Variants in SYNPO2 observed in about 807,000 individuals in gnomAD.
SYNPO2 encodes synaptopodin 2, also known as synaptopodin-2.
In SYNPO2, 56 loss-of-function variants were observed where a neutral mutation model predicts 85.0. That is an observed-to-expected ratio of 0.66 (90% CI 0.53 to 0.82). The LOEUF is 0.82. SYNPO2 is among the 40% of genes least tolerant of loss of function. SYNPO2 has a pLI of 0.00. For synonymous variants in SYNPO2, 602 were observed against 591.1 expected (o/e 1.02, Z -0.27); for missense variants, 1,575 against 1,534.2 (o/e 1.03, Z -0.44).
intron 1 of SYNPO2, among the ~76,000 whole-genome samples, chr4:118,926,563 G>A (rs1733717644): frequency 6.6e-6 from 1 of 152,070 alleles, no homozygotes; most frequent in African/African-American, 2.4e-5. Context: ...TAATTAAAAG[G>A]TAATATATTG....
chr4:118,918,165 T>A (rs1733416168), intron 1 of SYNPO2, among the ~76,000 whole-genome samples: 1 of 152,176 alleles, frequency 6.6e-6, no homozygotes, highest in African/African-American at 2.4e-5. Flanking sequence ...TGAAAGTTCT[T>A]TTTTTAAACT....
intron 1 of SYNPO2, among the ~76,000 whole-genome samples, chr4:118,867,638 C>T (rs1384961291): frequency 6.6e-6 from 1 of 152,072 alleles, no homozygotes; most frequent in African/African-American, 2.4e-5. Context: ...TGGTTACTTA[C>T]TCATCTTTCC....
intron 1 of SYNPO2, among the ~76,000 whole-genome samples, chr4:119,004,142 A>T (rs1736924002): frequency 6.6e-6 from 1 of 152,106 alleles, no homozygotes; most frequent in African/African-American, 2.4e-5. Context: ...TGCAGAGCAA[A>T]TTGTATTGTT....
intron 1 of SYNPO2, among the ~76,000 whole-genome samples, chr4:118,870,609 C>T (rs1192193445): frequency 2.0e-5 from 3 of 152,166 alleles, no homozygotes; most frequent in Non-Finnish European, 2.9e-5. Context: ...TGAGGAATTG[C>T]CACACTTTCT....
chr4:118,866,963 TAA>T (rs1336710504), intron 1 of SYNPO2, among the ~76,000 whole-genome samples: 1 of 152,260 alleles, frequency 6.6e-6, no homozygotes, highest in Non-Finnish European at 1.5e-5. Flanking sequence ...AAGAACTTTT[TAA>T]AGTTATTCAT....
Position 119,060,284 on chromosome 4 carries a change from G to A in SYNPO2, c.*2350G>A, listed in dbSNP as rs1739370512. 2 of 152,018 alleles carry A rather than the reference G, an allele frequency of 1.3e-5. No individual in the cohort carries two copies. Among genetic ancestry groups the A allele is most frequent in the African/African-American group, 4.8e-5 (2 of 41,378 alleles). 9.4% of individuals were successfully genotyped at this position (152,018 alleles called of 1,614,324 possible). A position where few individuals can be genotyped will look rare whatever the true frequency, so the allele number is the denominator to read the frequency against. On this transcript the variant is annotated 3_prime_UTR_variant, in exon 5 of 5. Transcript: ENST00000307142. ...TGTATTAAGCTATCTGAATTTATTCGAGACATTAAGAAAAAGACAGTACAT... is the reference window on the plus strand; with the variant it reads ...TGTATTAAGCTATCTGAATTTATTCAAGACATTAAGAAAAAGACAGTACAT...
chr4:118,983,011 C>T (rs941234563), intron 1 of SYNPO2, among the ~76,000 whole-genome samples: 1 of 152,066 alleles, frequency 6.6e-6, no homozygotes, highest in Non-Finnish European at 1.5e-5. Flanking sequence ...CTTGAAAATT[C>T]TTTCTTCCCT....
At chr4:118,924,579 C>T (rs2149129966) in intron 1 of SYNPO2, among the ~76,000 whole-genome samples, 1 of 152,310 alleles carries the variant, frequency 6.6e-6, no homozygotes. Context: ...TACCTCTGCC[C>T]ACATATACCC....
intron 1 of SYNPO2, among the ~76,000 whole-genome samples, chr4:119,012,357 C>CT (rs150920679): frequency 2.1e-5 from 3 of 144,290 alleles, no homozygotes; most frequent in Admixed American, 7.0e-5. Context: ...CACATGGTTC[C>CT]TTTTTTTTCC....
intron 1 of SYNPO2, among the ~76,000 whole-genome samples, chr4:118,932,598 T>C (rs1416609701): frequency 1.3e-5 from 2 of 152,180 alleles, no homozygotes; most frequent in African/African-American, 4.8e-5. Context: ...GAGGCCTTCA[T>C]AGAAACTGAG....
At chr4:119,016,896 G>T (rs561653408) in intron 1 of SYNPO2, among the ~76,000 whole-genome samples, 2 of 152,250 alleles carry the variant, frequency 1.3e-5, no homozygotes, top group East Asian at 3.9e-4. Context: ...ACAAATTAGG[G>T]CTCTCATTCC....
chr4:119,053,650 G>T (rs2149201284), intron 4 of SYNPO2, among the ~76,000 whole-genome samples: 1 of 152,114 alleles, frequency 6.6e-6, no homozygotes, highest in South Asian at 2.1e-4. Flanking sequence ...TCATCTCTTT[G>T]TTAATAGGAT....
chr4:118,860,935 C>T (rs530649161), intron 1 of SYNPO2, among the ~76,000 whole-genome samples: 27 of 152,094 alleles, frequency 1.8e-4, no homozygotes, highest in Middle Eastern at 6.8e-3. Flanking sequence ...GTTATTAATC[C>T]CTTGTCAGAT....
In SYNPO2 at chr4:119,027,449, C is replaced by A. The variant is rs779024433; in HGVS notation, c.1069+11C>A. On this transcript the variant is annotated intron_variant, in intron 3 of 4. Transcript: ENST00000307142. Reference sequence around the variant, plus strand: ...GAGCGCGGCATGCACGTAAGTTCTGCCTGGGCTTTCAGAAGGGGCTTGGGA... The same window carrying A: ...GAGCGCGGCATGCACGTAAGTTCTGACTGGGCTTTCAGAAGGGGCTTGGGA... The A allele has an allele frequency of 6.4e-7, 1 of 1,566,534 alleles. No individual in the cohort carries two copies. The highest frequency in any genetic ancestry group is 1.2e-5 in the South Asian group (1 of 86,274).
At chr4:118,909,524 T>G (rs1733061881) in intron 1 of SYNPO2, among the ~76,000 whole-genome samples, 1 of 152,224 alleles carries the variant, frequency 6.6e-6, no homozygotes, top group Non-Finnish European at 1.5e-5. Context: ...ACACTAATTG[T>G]GCCAGAGTCC....
chr4:119,035,897 T>G (rs1270941937), intron 4 of SYNPO2: 10 of 985,000 alleles, frequency 1.0e-5, no homozygotes, highest in Non-Finnish European at 1.2e-5. Flanking sequence ...CTATTTGCAG[T>G]TACAAGGTTA....
chr4:118,898,499 A>G (rs1269183423), intron 1 of SYNPO2, among the ~76,000 whole-genome samples: 1 of 152,246 alleles, frequency 6.6e-6, no homozygotes, highest in African/African-American at 2.4e-5. Flanking sequence ...CGAGATAACC[A>G]TAACATTGGT....
intron 1 of SYNPO2, among the ~76,000 whole-genome samples, chr4:119,012,645 G>A (rs1027561221): frequency 1.3e-5 from 2 of 152,024 alleles, no homozygotes; most frequent in African/African-American, 4.8e-5. Flanking sequence ...GAGAACATGT[G>A]GTTTTGGTTT....
intron 4 of SYNPO2, among the ~76,000 whole-genome samples, chr4:119,039,477 C>T (rs932273666): frequency 2.0e-5 from 3 of 152,118 alleles, no homozygotes; most frequent in Non-Finnish European, 4.4e-5. Flanking sequence ...TTTGGTAGCT[C>T]CAAGCAATAG....
Sources: allele counts gnomAD v4.1 joint callset (sites outside exome capture counted in the v4.1 genomes callset), GRCh38; gene constraint gnomAD v4.1.1; transcripts MANE v1.5; gene names NCBI Gene and HGNC (gene_info 2026-07-23, HGNC 2026-07-21).